The following WDR47 variants were observed in gnomAD, a reference collection of about 807,000 sequenced individuals.
The protein encoded by WDR47 is WD repeat domain 47.
In WDR47, 32 loss-of-function variants were observed where a neutral mutation model predicts 97.2. That is an observed-to-expected ratio of 0.33 (90% CI 0.25 to 0.44). The LOEUF is 0.44. Among genes scored for constraint, WDR47 ranks in the 20% least tolerant of loss-of-function variants. The probability of loss-of-function intolerance (pLI) is 1.00; values close to 1 mark genes in which losing one functional copy is unlikely to be tolerated. For missense variants in WDR47, 782 were observed against 1,102.3 expected, an observed-to-expected ratio of 0.71 and a Z score of 4.11; for synonymous variants, 375 against 373.5, an observed-to-expected ratio of 1.00 and a Z score of -0.05.
intron 14 of WDR47, among the ~76,000 whole-genome samples, chr1:108,972,922 G>A (rs1252011379): frequency 6.6e-6 from 1 of 151,288 alleles, no homozygotes; most frequent in Non-Finnish European, 1.5e-5. Context: ...CTCCAGCCTG[G>A]GCGACAGAGC....
At chr1:109,034,140 T>C (rs1394257622) in intron 1 of WDR47, among the ~76,000 whole-genome samples, 2 of 152,092 alleles carry the variant, frequency 1.3e-5, no homozygotes, top group East Asian at 3.9e-4. Flanking sequence ...AATACAAAAT[T>C]AGCCAGGCGT....
chr1:109,025,224 G>A (rs1662120453), intron 1 of WDR47, among the ~76,000 whole-genome samples: 1 of 151,298 alleles, frequency 6.6e-6, no homozygotes, highest in Non-Finnish European at 1.5e-5. Context: ...GATCACATGA[G>A]CCCAGGAGTG....
chr1:108,982,927 T>C, intron 11 of WDR47, 148 bp from the exon 12 acceptor site: 2 of 932,154 alleles, frequency 2.1e-6, no homozygotes, highest in Non-Finnish European at 3.1e-6. Flanking sequence ...TTATAAGCAG[T>C]TTCACTTTAC....
chr1:109,041,001 CA>C (rs1557973524), intron 1 of WDR47, among the ~76,000 whole-genome samples: 1 of 148,986 alleles, frequency 6.7e-6, no homozygotes, highest in Non-Finnish European at 1.5e-5. Flanking sequence ...CAGAGAAAAC[CA>C]AGTTGCCAAA....
intron 1 of WDR47, among the ~76,000 whole-genome samples, chr1:109,028,481 G>T (rs899074494): frequency 2.2e-4 from 33 of 147,908 alleles, no homozygotes; most frequent in African/African-American, 8.0e-4. Context: ...AAAGTGCTGG[G>T]ATTACAGGCA....
intron 13 of WDR47, among the ~76,000 whole-genome samples, chr1:108,978,998 T>C (rs1306881428): frequency 6.6e-6 from 1 of 152,104 alleles, no homozygotes; most frequent in Non-Finnish European, 1.5e-5. Context: ...GGAAGGGGGA[T>C]AAGGAGATCA....
intron 7 of WDR47, among the ~76,000 whole-genome samples, chr1:109,000,337 C>G (rs942921873): frequency 6.6e-6 from 1 of 151,390 alleles, no homozygotes; most frequent in Non-Finnish European, 1.5e-5. Flanking sequence ...GGTGAAATCC[C>G]GCCTCCACTA....
At chr1:108,977,822 T>C (rs930058114) in intron 13 of WDR47, among the ~76,000 whole-genome samples, 1 of 151,062 alleles carries the variant, frequency 6.6e-6, no homozygotes, top group African/African-American at 2.4e-5. Context: ...AGTAAGATTC[T>C]CAAAAACAAA....
intron 5 of WDR47, among the ~76,000 whole-genome samples, chr1:109,005,371 C>T (rs1156317609): frequency 2.0e-5 from 3 of 152,070 alleles, no homozygotes; most frequent in Non-Finnish European, 4.4e-5. Flanking sequence ...CAAGATCACG[C>T]CACTGCACTC....
chr1:108,979,043 ATGTT>A (rs898917054), intron 13 of WDR47, among the ~76,000 whole-genome samples: 64 of 152,330 alleles, frequency 4.2e-4, no homozygotes, highest in Middle Eastern at 6.8e-3. Flanking sequence ...ATTCCATAAA[ATGTT>A]TGTATGTGCA....
At position 108,974,559 on chromosome 1, in the gene WDR47, T is replaced by C. The variant is rs746443677; in HGVS notation, c.2594A>G (p.Lys865Arg). The change falls in exon 14 of 15, where the codon AAA becomes AGA. Residue 865 changes from lysine to arginine, a missense_variant. By Grantham distance (26) the Lys-to-Arg change is conservative (BLOSUM62 2). Transcript: ENST00000369962. ...ACCTTGTAGGTCTGTCACCTTTATT[T>C]TCATATCATAAGAGCCTGTTAGCAA... ...HYLLTGSYDM[K>R]IKVTDLQGDL... The C allele has an allele frequency of 8.7e-6, 14 of 1,614,104 alleles. No homozygotes were observed. Among genetic ancestry groups the C allele is most frequent in the Middle Eastern group, 1.6e-4 (1 of 6,062 alleles).
chr1:109,015,564 G>A (rs1661353692), intron 3 of WDR47, among the ~76,000 whole-genome samples: 1 of 151,878 alleles, frequency 6.6e-6, no homozygotes, highest in Admixed American at 6.6e-5. Flanking sequence ...CTGACCTCAA[G>A]TGATCCGCCT....
At chr1:109,020,581 A>G (rs1172825860) in intron 2 of WDR47, among the ~76,000 whole-genome samples, 1 of 152,062 alleles carries the variant, frequency 6.6e-6, no homozygotes, top group African/African-American at 2.4e-5. Flanking sequence ...TAGTTTAATG[A>G]AAAACCTACT....
In WDR47 at chr1:108,986,854, CT is replaced by C. The variant is rs1658869273; in HGVS notation, c.1768-175del. The C allele has an allele frequency of 2.5e-5, 14 of 557,504 alleles. No individual in the cohort carries two copies. In the South Asian group the frequency reaches 4.3e-4, roughly 17 times the overall value. 34.5% of individuals were successfully genotyped at this position (557,504 alleles called of 1,614,324 possible). A position where few individuals can be genotyped will look rare whatever the true frequency, so the allele number is the denominator to read the frequency against. On this transcript the variant is annotated intron_variant, in intron 9 of 14. Coordinates refer to ENST00000369962, the MANE Select transcript of WDR47 (RefSeq NM_001142551.2). ...GTTTTTCTTACTTTATTAAATCTTA[CT>C]AATATCCTTTAAGAGGCAAACACAC...
At chr1:109,013,553 A>G (rs1219045008) in intron 4 of WDR47, among the ~76,000 whole-genome samples, 1 of 152,228 alleles carries the variant, frequency 6.6e-6, no homozygotes, top group Admixed American at 6.5e-5. Context: ...AGAAGAAATG[A>G]TGAAGAGTCA....
chr1:109,001,985 T>TGTC (rs1660237416), intron 7 of WDR47, among the ~76,000 whole-genome samples: 1 of 152,138 alleles, frequency 6.6e-6, no homozygotes, highest in South Asian at 2.1e-4. Context: ...TCCACCTGGC[T>TGTC]GTCAGCTGTT....
chr1:108,991,228 TAA>T (rs1246582620), intron 9 of WDR47, 24 bp downstream of exon 9: 5 of 1,592,008 alleles, frequency 3.1e-6, no homozygotes, highest in Non-Finnish European at 4.3e-6. Flanking sequence ...ATGAAAACAA[TAA>T]AACTTCCTTC....
rs1177455374 is a variant in WDR47, at chr1:108,995,762, T to C, written c.1509A>G (p.Gln503=). ...ATCCATTGCCTTTGCTCCCATTACA[T>C]TGCTGGTTGAGTGCTGATACCTCAT... The part of the protein sequence containing the change: ...LGNEVSALNQ[Q]CNGSKGNGSN... The change falls in exon 8 of 15, where the codon CAA becomes CAG. Residue 503 remains glutamine (Q), a synonymous_variant. Transcript: ENST00000369962. The C allele has an allele frequency of 6.2e-7, 1 of 1,614,172 alleles. No individual in the cohort carries two copies. Among genetic ancestry groups the C allele is most frequent in the Non-Finnish European group, 8.5e-7 (1 of 1,180,022 alleles).
At chr1:108,990,727 G>C (rs1241338087) in intron 9 of WDR47, among the ~76,000 whole-genome samples, 1 of 152,016 alleles carries the variant, frequency 6.6e-6, no homozygotes, top group Non-Finnish European at 1.5e-5. Flanking sequence ...ATACTAGCTA[G>C]GAAAGGATGT....
Sources: allele counts gnomAD v4.1 joint callset (sites outside exome capture counted in the v4.1 genomes callset), GRCh38; gene constraint gnomAD v4.1.1; transcripts MANE v1.5; gene names NCBI Gene and HGNC (gene_info 2026-07-23, HGNC 2026-07-21).